CDH12: variants seen among roughly 807,000 people sequenced by gnomAD.
The protein encoded by CDH12 is cadherin 12.
A neutral mutation model predicts 74.1 loss-of-function variants in CDH12; 41 were observed. The observed-to-expected ratio is 0.55, with a 90% CI of 0.43 to 0.72. The LOEUF is 0.72. Ranked by LOEUF, CDH12 falls within the 30% of genes least tolerant of loss-of-function variation. The pLI is 0.00. For missense variants in CDH12, 945 were observed against 977.2 expected (o/e 0.97, Z 0.44); for synonymous variants, 399 against 355.0 (o/e 1.12, Z -1.39).
chr5:22,358,750 A>G (rs6889916), intron 3 of CDH12, among the ~76,000 whole-genome samples: 67,807 of 151,976 alleles, frequency 0.45, 16,322 homozygotes, highest in Non-Finnish European at 0.54. Context: ...TGGTGACCAT[A>G]AGAGTGATGA....
chr5:22,786,691 T>A (rs1358533103), intron 1 of CDH12, among the ~76,000 whole-genome samples: 6 of 152,052 alleles, frequency 3.9e-5, no homozygotes, highest in African/African-American at 1.4e-4. Flanking sequence ...AGTCTATGCC[T>A]ACATTCTTTT....
chr5:22,736,677 G>GA (rs1744746904), intron 1 of CDH12, among the ~76,000 whole-genome samples: 1 of 151,358 alleles, frequency 6.6e-6, no homozygotes, highest in South Asian at 2.1e-4. Context: ...GATAGATTAG[G>GA]AAAAAACTGG....
chr5:22,453,442 G>A (rs1276891034), intron 2 of CDH12, among the ~76,000 whole-genome samples: 2 of 152,238 alleles, frequency 1.3e-5, no homozygotes, highest in South Asian at 2.1e-4. Flanking sequence ...TGTCAACATA[G>A]ATGAATGTAG....
At chr5:22,638,439 G>A (rs566123662) in intron 1 of CDH12, among the ~76,000 whole-genome samples, 1 of 152,218 alleles carries the variant, frequency 6.6e-6, no homozygotes, top group African/African-American at 2.4e-5. Flanking sequence ...GGAGAAAGAT[G>A]GAGGCTGGAA....
At chr5:22,748,991 A>T (rs188429750) in intron 1 of CDH12, among the ~76,000 whole-genome samples, 1 of 152,336 alleles carries the variant, frequency 6.6e-6, no homozygotes, top group African/African-American at 2.4e-5. Context: ...GGCCTATGAT[A>T]GAGACATCAT....
At chr5:22,332,153 C>T (rs1739377469) in intron 3 of CDH12, among the ~76,000 whole-genome samples, 1 of 152,010 alleles carries the variant, frequency 6.6e-6, no homozygotes, top group African/African-American at 2.4e-5. Context: ...TATCAAAGCA[C>T]AAAAAGGTTA....
At chr5:22,529,044 T>C (rs1384402947) in intron 1 of CDH12, among the ~76,000 whole-genome samples, 2 of 151,344 alleles carry the variant, frequency 1.3e-5, no homozygotes, top group Non-Finnish European at 2.9e-5. Context: ...TGCATATATA[T>C]GCATATACAT....
chr5:22,813,783 T>C (rs1480464787), intron 1 of CDH12, among the ~76,000 whole-genome samples: 1 of 152,128 alleles, frequency 6.6e-6, no homozygotes, highest in African/African-American at 2.4e-5. Context: ...TGAATGATGC[T>C]GACCACATTG....
At chr5:22,586,608 A>T (rs931978952) in intron 1 of CDH12, among the ~76,000 whole-genome samples, 5 of 151,788 alleles carry the variant, frequency 3.3e-5, no homozygotes, top group Admixed American at 2.6e-4. Context: ...CATAAAGATG[A>T]ATAAACATTT....
intron 3 of CDH12, among the ~76,000 whole-genome samples, chr5:22,342,752 C>CCCTCCCTT (rs1329151727): frequency 1.5e-5 from 2 of 135,028 alleles, no homozygotes; most frequent in African/African-American, 5.6e-5. Flanking sequence ...TTCCTTCCCT[C>CCCTCCCTT]CCTCCCTTCC....
chr5:22,827,378 A>G (rs1027191654), intron 1 of CDH12, among the ~76,000 whole-genome samples: 5 of 152,240 alleles, frequency 3.3e-5, no homozygotes, highest in Non-Finnish European at 7.3e-5. Context: ...AACTGAAATA[A>G]TATATTGGTT....
At chr5:22,074,224 A>G (rs564203622) in intron 5 of CDH12, among the ~76,000 whole-genome samples, 3 of 152,294 alleles carry the variant, frequency 2.0e-5, no homozygotes, top group African/African-American at 7.2e-5. Flanking sequence ...AGGATTCCCT[A>G]TTTAATAAAT....
At chr5:22,041,293 A>G (rs1739560585) in intron 5 of CDH12, among the ~76,000 whole-genome samples, 1 of 152,140 alleles carries the variant, frequency 6.6e-6, no homozygotes, top group Admixed American at 6.6e-5. Flanking sequence ...AAAGCAACTG[A>G]CAAAATGGCA....
At chr5:22,426,954 T>C (rs1017473632) in intron 2 of CDH12, among the ~76,000 whole-genome samples, 6 of 152,086 alleles carry the variant, frequency 3.9e-5, no homozygotes, top group African/African-American at 1.4e-4. Context: ...TCTCTCTCTC[T>C]AACCCCTTCG....
chr5:22,820,561 G>A (rs989401267), intron 1 of CDH12, among the ~76,000 whole-genome samples: 5 of 152,034 alleles, frequency 3.3e-5, no homozygotes, highest in African/African-American at 7.2e-5. Flanking sequence ...TATCACCACC[G>A]ATCCCACAGA....
At chr5:21,891,950 T>C (rs554933586) in intron 6 of CDH12, among the ~76,000 whole-genome samples, 196 of 152,282 alleles carry the variant, frequency 1.3e-3, no homozygotes, top group Admixed American at 4.0e-3. Flanking sequence ...GCTTAATTGA[T>C]GGCTACCAAT....
In CDH12 at chr5:21,793,399, A is replaced by G. The variant is rs191667211; in HGVS notation, c.1256+8768T>C. 4.3e-3 allele frequency among the ~76,000 whole-genome samples: 647 copies of G among 151,708 alleles called. 5 individuals carry two copies. Among genetic ancestry groups the G allele is most frequent in the African/African-American group, 0.015 (621 of 41,474 alleles). On this transcript the variant is annotated intron_variant, in intron 10 of 14. Coordinates refer to ENST00000382254, the MANE Select transcript of CDH12 (RefSeq NM_004061.5). ...ACAGTGCACTTATATGTGTAAATTG[A>G]ATTATTTTATCTGACTTTTCTTATT... is the stretch of plus-strand genomic sequence containing the variant.
At chr5:22,516,104 C>T (rs935232140) in intron 1 of CDH12, among the ~76,000 whole-genome samples, 3 of 151,960 alleles carry the variant, frequency 2.0e-5, no homozygotes, top group South Asian at 4.1e-4. Context: ...TGCACTATGT[C>T]GTAAAACTAA....
chr5:22,428,430 T>A (rs1361600790), intron 2 of CDH12, among the ~76,000 whole-genome samples: 1 of 151,590 alleles, frequency 6.6e-6, no homozygotes, highest in Non-Finnish European at 1.5e-5. Context: ...TATAGAGGAA[T>A]ACACATATAT....
Sources: allele counts gnomAD v4.1 joint callset (sites outside exome capture counted in the v4.1 genomes callset), GRCh38; gene constraint gnomAD v4.1.1; transcripts MANE v1.5; gene names NCBI Gene and HGNC (gene_info 2026-07-23, HGNC 2026-07-21).